The following RFX3 variants were observed in gnomAD, a reference collection of about 807,000 sequenced individuals.
RFX3 encodes transcription factor RFX3.
RFX3 carries 14 observed loss-of-function variants against 98.6 expected under a neutral mutation model. That is an observed-to-expected ratio of 0.14 (90% CI 0.09 to 0.22). RFX3 has a LOEUF of 0.22. Among genes scored for constraint, RFX3 ranks in the 10% least tolerant of loss-of-function variants. The pLI, the probability that RFX3 is intolerant of heterozygous loss-of-function variation, is 1.00. For missense variants in RFX3, 639 were observed against 926.9 expected, an observed-to-expected ratio of 0.69 and a Z score of 4.03; for synonymous variants, 383 against 328.4, an observed-to-expected ratio of 1.17 and a Z score of -1.80.
chr9:3,338,504 T>C (rs191991798), intron 3 of RFX3, among the ~76,000 whole-genome samples: 1 of 152,364 alleles, frequency 6.6e-6, no homozygotes, highest in Admixed American at 6.5e-5. Context: ...GGCACATCTT[T>C]ACTTAGCATT....
chr9:3,524,541 G>C, intron 1 of RFX3: 1 of 977,420 alleles, frequency 1.0e-6, no homozygotes, highest in African/African-American at 1.8e-5. Flanking sequence ...AACTCTCAAA[G>C]GAAAATGAGG....
At chr9:3,399,775 C>T (rs1841292828) in intron 1 of RFX3, among the ~76,000 whole-genome samples, 1 of 151,666 alleles carries the variant, frequency 6.6e-6, no homozygotes, top group South Asian at 2.1e-4. Flanking sequence ...CATGGTGAAA[C>T]CCCGCCTCTA....
chr9:3,396,192 C>T (rs1338987672), intron 1 of RFX3, among the ~76,000 whole-genome samples: 1 of 151,966 alleles, frequency 6.6e-6, no homozygotes, highest in East Asian at 1.9e-4. Flanking sequence ...CTCCCCCCTC[C>T]CCTCCACCCC....
intron 5 of RFX3, among the ~76,000 whole-genome samples, chr9:3,297,660 T>A (rs1828153041): frequency 2.0e-5 from 3 of 152,018 alleles, no homozygotes; most frequent in Admixed American, 2.0e-4. Context: ...AACTTATATT[T>A]ACAATACAGC....
chr9:3,331,761 AC>A (rs1248300009), intron 3 of RFX3, among the ~76,000 whole-genome samples: 2 of 152,162 alleles, frequency 1.3e-5, no homozygotes, highest in Non-Finnish European at 2.9e-5. Context: ...TAGATCAAAG[AC>A]CTTTACCACA....
chr9:3,383,238 A>T (rs1839379598), intron 2 of RFX3, among the ~76,000 whole-genome samples: 1 of 152,056 alleles, frequency 6.6e-6, no homozygotes, highest in Admixed American at 6.6e-5. Context: ...AGGTTCAAGG[A>T]TCACTTTTTT....
chr9:3,398,136 C>A (rs1399386973), intron 1 of RFX3, among the ~76,000 whole-genome samples: 1 of 152,176 alleles, frequency 6.6e-6, no homozygotes, highest in Non-Finnish European at 1.5e-5. Context: ...TCCAAACACA[C>A]ACACACACAC....
At chr9:3,366,686 TTTCTTTC>T (rs1181419317) in intron 2 of RFX3, among the ~76,000 whole-genome samples, 2 of 136,094 alleles carry the variant, frequency 1.5e-5, no homozygotes, top group African/African-American at 6.0e-5. Flanking sequence ...TTCTTTCTTC[TTTCTTTC>T]CTTTCTTTCT....
chr9:3,501,896 G>T (rs62526390), intron 1 of RFX3, among the ~76,000 whole-genome samples: 13,356 of 151,684 alleles, frequency 0.088, 780 homozygotes, highest in Non-Finnish European at 0.12. Flanking sequence ...ACAGGAATGT[G>T]ATACTGATTA....
intron 4 of RFX3, among the ~76,000 whole-genome samples, chr9:3,325,763 A>C (rs1831841348): frequency 6.6e-6 from 1 of 152,164 alleles, no homozygotes; most frequent in African/African-American, 2.4e-5. Flanking sequence ...CTACATTCAC[A>C]AATTTTTAAT....
Position 3,525,956 on chromosome 9 carries a change from G to T in RFX3, c.-218C>A. On this transcript the variant is annotated 5_prime_UTR_variant, in exon 1 of 17. Coordinates refer to ENST00000617270, the MANE Select transcript of RFX3 (RefSeq NM_001282116.2). ...AGAGAGAGAGGGAGAGAGAGAGAGA[G>T]CGAGAGGGAGAGGGAGACACTCGCA... 1 of 638,760 alleles carries T rather than the reference G, an allele frequency of 1.6e-6. No individual in the cohort carries two copies. The highest frequency in any genetic ancestry group is 6.4e-5 in the Admixed American group (1 of 15,536). 39.6% of individuals were successfully genotyped at this position (638,760 alleles called of 1,614,324 possible).
chr9:3,360,968 C>G (rs1217734956), intron 2 of RFX3, among the ~76,000 whole-genome samples: 2 of 152,162 alleles, frequency 1.3e-5, no homozygotes, highest in African/African-American at 4.8e-5. Flanking sequence ...TATGTCAAGG[C>G]CTTCATTGCC....
chr9:3,379,547 C>T (rs892845981), intron 2 of RFX3, among the ~76,000 whole-genome samples: 35 of 152,106 alleles, frequency 2.3e-4, no homozygotes, highest in African/African-American at 8.4e-4. Flanking sequence ...AGATCATAGG[C>T]AAATATGAAA....
intron 1 of RFX3, among the ~76,000 whole-genome samples, chr9:3,469,335 T>C (rs1848578223): frequency 6.6e-6 from 1 of 152,214 alleles, no homozygotes; most frequent in African/African-American, 2.4e-5. Flanking sequence ...CTAGTACCAT[T>C]AGAATCTAGA....
intron 1 of RFX3, among the ~76,000 whole-genome samples, chr9:3,499,142 A>G (rs1020016235): frequency 1.3e-5 from 2 of 152,152 alleles, no homozygotes; most frequent in African/African-American, 2.4e-5. Context: ...CTACATTTCA[A>G]TTATACCACC....
At chr9:3,409,078 T>C (rs192648997) in intron 1 of RFX3, among the ~76,000 whole-genome samples, 3 of 152,338 alleles carry the variant, frequency 2.0e-5, no homozygotes, top group Admixed American at 2.0e-4. Flanking sequence ...TACGTGAAAG[T>C]AAATACTGTT....
chr9:3,355,797 C>T (rs1236460262), intron 2 of RFX3, among the ~76,000 whole-genome samples: 1 of 151,820 alleles, frequency 6.6e-6, no homozygotes, highest in Admixed American at 6.6e-5. Flanking sequence ...TAAAACAAGT[C>T]CCAACAAATT....
At chr9:3,373,732 G>C (rs1482336409) in intron 2 of RFX3, among the ~76,000 whole-genome samples, 2 of 152,080 alleles carry the variant, frequency 1.3e-5, no homozygotes, top group Non-Finnish European at 2.9e-5. Context: ...ATAGGAGGAG[G>C]AGAAGGCGAA....
intron 2 of RFX3, among the ~76,000 whole-genome samples, chr9:3,372,604 G>A (rs1257563437): frequency 6.7e-6 from 1 of 149,834 alleles, no homozygotes; most frequent in Non-Finnish European, 1.5e-5. Flanking sequence ...CTGGAGTGCG[G>A]TGGTGTGATC....
Sources: allele counts gnomAD v4.1 joint callset (sites outside exome capture counted in the v4.1 genomes callset), GRCh38; gene constraint gnomAD v4.1.1; transcripts MANE v1.5; gene names NCBI Gene and HGNC (gene_info 2026-07-23, HGNC 2026-07-21).